The following MYO5A variants were observed in gnomAD, a reference collection of about 807,000 sequenced individuals.
MYO5A encodes the protein unconventional myosin-Va.
MYO5A carries 98 observed loss-of-function variants against 249.7 expected under a neutral mutation model. The ratio of observed to expected loss-of-function variants is 0.39; its 90% CI spans 0.33 to 0.46. The LOEUF is 0.46. MYO5A is among the 20% of genes least tolerant of loss of function. The pLI is 0.98. For missense variants in MYO5A, 1,696 were observed against 2,308.8 expected, an observed-to-expected ratio of 0.73 and a Z score of 5.44; for synonymous variants, 778 against 810.6, an observed-to-expected ratio of 0.96 and a Z score of 0.68.
At chr15:52,505,337 G>T in intron 1 of MYO5A, 1 of 777,946 alleles carries the variant, frequency 1.3e-6, no homozygotes, top group Admixed American at 1.7e-5. Flanking sequence ...GCCGACTTGT[G>T]TCATGCTCTA....
chr15:52,367,235 C>T, intron 22 of MYO5A, 111 bp from the exon 23 acceptor site: 1 of 904,352 alleles, frequency 1.1e-6, no homozygotes. Flanking sequence ...TCTGTGCTCC[C>T]TGTCTTTGCC....
At chr15:52,447,965 T>C (rs1174932994) in intron 1 of MYO5A, among the ~76,000 whole-genome samples, 1 of 152,232 alleles carries the variant, frequency 6.6e-6, no homozygotes, top group Non-Finnish European at 1.5e-5. Context: ...AGAGCCTTCA[T>C]GGAGAACCTC....
chr15:52,321,572 C>T, intron 37 of MYO5A, 63 bp from the exon 38 acceptor site: 2 of 1,562,624 alleles, frequency 1.3e-6, no homozygotes, highest in Non-Finnish European at 1.8e-6. Context: ...GTTTAACTAT[C>T]TCCAATTTGA....
chr15:52,315,608 A>C (rs2037966957), intron 40 of MYO5A, among the ~76,000 whole-genome samples: 1 of 147,018 alleles, frequency 6.8e-6, no homozygotes, highest in Non-Finnish European at 1.5e-5. Flanking sequence ...TCCTGACCTC[A>C]GGTGATCTGT....
chr15:52,312,168 T>C lies in MYO5A; in HGVS notation c.*1528A>G, dbSNP rs1395430952. ...TAAAATTCAACAATCTTCTATTTCT[T>C]ATATAAGTCTTCTTAAAGTATTTCT... On this transcript the variant is annotated 3_prime_UTR_variant, in exon 42 of 42. Coordinates refer to ENST00000399233, the MANE Select transcript of MYO5A (RefSeq NM_001382347.1). The C allele has an allele frequency of 6.6e-6, 1 of 152,232 alleles. No individual in the cohort carries two copies. The highest frequency in any genetic ancestry group is 1.5e-5 in the Non-Finnish European group (1 of 68,034). 9.4% of individuals were successfully genotyped at this position (152,232 alleles called of 1,614,324 possible).
intron 1 of MYO5A, among the ~76,000 whole-genome samples, chr15:52,486,710 A>G (rs2076827704): frequency 2.0e-5 from 3 of 152,218 alleles, no homozygotes; most frequent in Admixed American, 2.0e-4. Context: ...ACTATGTTAC[A>G]AAGGAGAGCA....
intron 21 of MYO5A, 141 bp downstream of exon 21, chr15:52,371,983 C>T: frequency 1.7e-6 from 2 of 1,177,020 alleles, no homozygotes; most frequent in South Asian, 2.6e-5. Context: ...TACTTCCATG[C>T]CCATTATGGA....
rs188235502 is a variant in MYO5A at position 52,498,247 on chromosome 15, C to T, written c.27+30533G>A. ...ACAATTCCCTATTGCTGGACATCTA[C>T]GTTATCTCCACTTGGATACACTATT... On this transcript the variant is annotated intron_variant, in intron 1 of 41. Coordinates refer to ENST00000399233, the MANE Select transcript of MYO5A (RefSeq NM_001382347.1). Among the ~76,000 whole-genome samples the T allele has an allele frequency of 2.7e-3, 416 of 152,282 alleles. 5 individuals carry two copies. Among genetic ancestry groups the T allele is most frequent in the African/African-American group, 9.5e-3 (394 of 41,564 alleles).
At chr15:52,384,136 G>A in intron 15 of MYO5A, 25 bp downstream of exon 15, 2 of 1,613,638 alleles carry the variant, frequency 1.2e-6, no homozygotes, top group Non-Finnish European at 1.7e-6. Context: ...GAAGGAGCGT[G>A]GCAGCGGCAG....
At chr15:52,523,706 G>GA (rs1309608117) in intron 1 of MYO5A, among the ~76,000 whole-genome samples, 2 of 152,112 alleles carry the variant, frequency 1.3e-5, no homozygotes, top group Admixed American at 6.6e-5. Flanking sequence ...TGAAAGACAA[G>GA]AAAAAAGATA....
chr15:52,348,859 A>G, intron 28 of MYO5A, 33 bp from the exon 29 acceptor site: 1 of 1,605,156 alleles, frequency 6.2e-7, no homozygotes, highest in Non-Finnish European at 8.5e-7. Flanking sequence ...CACAAAAAAC[A>G]GAGAAAACAA....
At chr15:52,514,384 A>G (rs1011799057) in intron 1 of MYO5A, among the ~76,000 whole-genome samples, 5 of 152,224 alleles carry the variant, frequency 3.3e-5, no homozygotes, top group South Asian at 4.1e-4. Context: ...GACAACTGCA[A>G]TGCAGTGCAG....
At chr15:52,408,451 T>C (rs1016949431) in intron 6 of MYO5A, among the ~76,000 whole-genome samples, 2 of 45,642 alleles carry the variant, frequency 4.4e-5, no homozygotes, top group Non-Finnish European at 7.5e-5. Context: ...CTAAAATCAT[T>C]TTTTTTTTGC....
At chr15:52,504,158 C>T (rs553015993) in intron 1 of MYO5A, among the ~76,000 whole-genome samples, 1 of 147,058 alleles carries the variant, frequency 6.8e-6, no homozygotes, top group Admixed American at 7.0e-5. Flanking sequence ...ATCCTAGAAA[C>T]AACCATGGTT....
At chr15:52,417,531 G>A (rs1001937285) in intron 4 of MYO5A, among the ~76,000 whole-genome samples, 5 of 152,136 alleles carry the variant, frequency 3.3e-5, no homozygotes, top group Non-Finnish European at 5.9e-5. Flanking sequence ...ATCCTCATGT[G>A]GTTGACGGAT....
chr15:52,522,118 G>A (rs1047615385), intron 1 of MYO5A, among the ~76,000 whole-genome samples: 20 of 151,988 alleles, frequency 1.3e-4, no homozygotes, highest in African/African-American at 4.1e-4. Flanking sequence ...CATTCATTTC[G>A]GAAAAACCAA....
chr15:52,454,440 A>T (rs1207767455), intron 1 of MYO5A, among the ~76,000 whole-genome samples: 2 of 152,206 alleles, frequency 1.3e-5, no homozygotes, highest in African/African-American at 4.8e-5. Context: ...CCTCACTGTC[A>T]GTAATGGACA....
chr15:52,498,607 T>G (rs1279141723), intron 1 of MYO5A, among the ~76,000 whole-genome samples: 1 of 152,242 alleles, frequency 6.6e-6, no homozygotes, highest in Admixed American at 6.5e-5. Context: ...CTTTTGTGAA[T>G]TGCCTTAGTG....
chr15:52,387,547 G>A (rs2042018976), intron 14 of MYO5A, among the ~76,000 whole-genome samples: 1 of 152,174 alleles, frequency 6.6e-6, no homozygotes, highest in South Asian at 2.1e-4. Flanking sequence ...GACACAGCAA[G>A]ACGGCCTGGA....
Sources: allele counts gnomAD v4.1 joint callset (sites outside exome capture counted in the v4.1 genomes callset), GRCh38; gene constraint gnomAD v4.1.1; transcripts MANE v1.5; gene names NCBI Gene and HGNC (gene_info 2026-07-23, HGNC 2026-07-21).